The following MAP2K6 variants were observed in gnomAD, a reference collection of about 807,000 sequenced individuals.
MAP2K6 encodes the protein mitogen-activated protein kinase kinase 6, also known as dual specificity mitogen-activated protein kinase kinase 6.
In MAP2K6, 16 loss-of-function variants were observed where a neutral mutation model predicts 53.7. The ratio of observed to expected loss-of-function variants is 0.30; its 90% confidence interval spans 0.20 to 0.45. The LOEUF is 0.45. Among genes scored for constraint, MAP2K6 ranks in the 20% least tolerant of loss-of-function variants. The pLI, the probability that MAP2K6 is intolerant of heterozygous loss-of-function variation, is 1.00. For missense variants in MAP2K6, 204 were observed against 411.9 expected (o/e 0.50, Z 4.37); for synonymous variants, 132 against 143.1 (o/e 0.92, Z 0.55).
Position 69,440,752 on chromosome 17 carries a change from T to C in MAP2K6, c.16+25752T>C, listed in dbSNP as rs77290229. Among the ~76,000 whole-genome samples, 314 of 152,192 alleles carry C rather than the reference T, an allele frequency of 2.1e-3. 6 individuals are homozygous for C. The East Asian group carries it at 0.045, about 22-fold the overall frequency. On this transcript the variant is annotated intron_variant, in intron 1 of 11. Transcript: ENST00000590474. ...ACAGGTTTTGTTTTGTTTTTTTTTTTTCACATGAAAAATGTGCTGAATCCT... is the reference window on the plus strand; with the variant it reads ...ACAGGTTTTGTTTTGTTTTTTTTTTCTCACATGAAAAATGTGCTGAATCCT...
chr17:69,517,987 G>A (rs1360941002), intron 4 of MAP2K6, among the ~76,000 whole-genome samples: 1 of 152,022 alleles, frequency 6.6e-6, no homozygotes, highest in African/African-American at 2.4e-5. Flanking sequence ...TCAGGAGTTC[G>A]AGACCAGCCT....
chr17:69,516,592 A>C (rs1320342002), intron 2 of MAP2K6, among the ~76,000 whole-genome samples: 2 of 152,174 alleles, frequency 1.3e-5, no homozygotes, highest in African/African-American at 4.8e-5. Flanking sequence ...TGTCTCTTTT[A>C]ATACTCACTC....
At chr17:69,485,505 T>C (rs888173115) in intron 1 of MAP2K6, 1 of 969,798 alleles carries the variant, frequency 1.0e-6, no homozygotes, top group Non-Finnish European at 1.2e-6. Flanking sequence ...CATTTGAAAC[T>C]ACGGGAACTC....
intron 1 of MAP2K6, among the ~76,000 whole-genome samples, chr17:69,417,848 CAA>C (rs1408322038): frequency 6.6e-6 from 1 of 152,180 alleles, no homozygotes; most frequent in African/African-American, 2.4e-5. Context: ...TGAAAATACA[CAA>C]AAAGTTTGAC....
intron 1 of MAP2K6, among the ~76,000 whole-genome samples, chr17:69,463,625 T>TAC (rs1484672812): frequency 3.3e-5 from 5 of 150,542 alleles, no homozygotes; most frequent in East Asian, 2.0e-4. Flanking sequence ...TCTATATATA[T>TAC]ACACACACAC....
chr17:69,431,128 T>C (rs1269964500), intron 1 of MAP2K6, among the ~76,000 whole-genome samples: 1 of 152,160 alleles, frequency 6.6e-6, no homozygotes, highest in Non-Finnish European at 1.5e-5. Flanking sequence ...CAGTAGGCAA[T>C]ATTTATCTTC....
chr17:69,438,101 A>C (rs1042073796), intron 1 of MAP2K6, among the ~76,000 whole-genome samples: 1 of 152,260 alleles, frequency 6.6e-6, no homozygotes, highest in Admixed American at 6.5e-5. Context: ...CCTGTGGTGG[A>C]ATCTCAGGGA....
intron 1 of MAP2K6, among the ~76,000 whole-genome samples, chr17:69,504,992 C>T (rs34498161): frequency 0.15 from 22,400 of 151,852 alleles, 1,794 homozygotes; most frequent in Middle Eastern, 0.21. Flanking sequence ...ATTCTACTTC[C>T]ATTGCTAACT....
chr17:69,421,696 C>T (rs1442300680), intron 1 of MAP2K6, among the ~76,000 whole-genome samples: 2 of 151,834 alleles, frequency 1.3e-5, no homozygotes, highest in Non-Finnish European at 1.5e-5. Flanking sequence ...CTGCCGCCAC[C>T]ATGCCCGGCT....
Position 69,517,629 on chromosome 17 carries a change from T to C in MAP2K6, c.246+16T>C. Reference sequence around the variant, plus strand: ...GGCAGTGAAGGTAGAGTTGACATTCTCCCAAATGTTTTATATCTGCTGTGT... The same window carrying C: ...GGCAGTGAAGGTAGAGTTGACATTCCCCCAAATGTTTTATATCTGCTGTGT... On this transcript the variant is annotated intron_variant, in intron 4 of 11. Coordinates refer to ENST00000590474, the MANE Select transcript of MAP2K6 (RefSeq NM_002758.4). 1.3e-6 allele frequency: 2 copies of C among 1,566,156 alleles called. No individual in the cohort carries two copies. Among genetic ancestry groups the C allele is most frequent in the African/African-American group, 1.4e-5 (1 of 73,392 alleles).
At chr17:69,415,912 C>T (rs146492874) in intron 1 of MAP2K6, among the ~76,000 whole-genome samples, 5 of 152,126 alleles carry the variant, frequency 3.3e-5, no homozygotes, top group South Asian at 2.1e-4. Flanking sequence ...TGTTTTTAAA[C>T]ACAGTTGTAT....
intron 7 of MAP2K6, 127 bp downstream of exon 7, chr17:69,521,227 C>T (rs188720020): frequency 1.4e-6 from 1 of 713,104 alleles, no homozygotes; most frequent in East Asian, 2.7e-5. Flanking sequence ...AACTAAGGGG[C>T]TTTCCTTTGA....
chr17:69,455,372 T>C lies in MAP2K6; in HGVS notation c.16+40372T>C, dbSNP rs182336674. Among the ~76,000 whole-genome samples the C allele has an allele frequency of 4.3e-4, 66 of 152,282 alleles. 2 individuals are homozygous for C. Among genetic ancestry groups the C allele is most frequent in the Admixed American group, 3.8e-3 (58 of 15,306 alleles). The stretch of plus-strand genomic sequence containing the variant: ...TCCCTGCAATTCCTGATTACCTGAC[T>C]TTTTCTTTCTGGTCACAGGAGGGCT... On this transcript the variant is annotated intron_variant, in intron 1 of 11. Transcript: ENST00000590474.
Position 69,551,821 on chromosome 17 carries a change from A to G in MAP2K6, c.*10068A>G, listed in dbSNP as rs923492751. On this transcript the variant is annotated 3_prime_UTR_variant, in exon 12 of 12. Transcript: ENST00000590474. ...TACTTCCTATGATACTGAATCATCAAATTGAGTCATTTAAAGCTGAAAGAG... is the reference window on the plus strand; with the variant it reads ...TACTTCCTATGATACTGAATCATCAGATTGAGTCATTTAAAGCTGAAAGAG... The G allele has an allele frequency of 1.3e-5, 2 of 152,244 alleles. No homozygotes were observed. The highest frequency in any genetic ancestry group is 1.9e-4 in the East Asian group (1 of 5,208). 9.4% of individuals were successfully genotyped at this position (152,244 alleles called of 1,614,324 possible). A position where few individuals can be genotyped will look rare whatever the true frequency, so the allele number is the denominator to read the frequency against.
At chr17:69,518,490 T>C (rs576122414) in intron 4 of MAP2K6, among the ~76,000 whole-genome samples, 2 of 152,228 alleles carry the variant, frequency 1.3e-5, no homozygotes, top group Non-Finnish European at 2.9e-5. Context: ...AGAGTAAATT[T>C]GCATAGTTTT....
At chr17:69,489,849 T>A (rs558921523) in intron 1 of MAP2K6, among the ~76,000 whole-genome samples, 1 of 152,342 alleles carries the variant, frequency 6.6e-6, no homozygotes, top group South Asian at 2.1e-4. Context: ...GGAAATGCGC[T>A]AAGCCAGGAA....
intron 1 of MAP2K6, among the ~76,000 whole-genome samples, chr17:69,438,676 C>G (rs1275200812): frequency 6.6e-6 from 1 of 152,130 alleles, no homozygotes; most frequent in African/African-American, 2.4e-5. Flanking sequence ...GCCTCCCAGG[C>G]TCAAGCCATC....
intron 1 of MAP2K6, among the ~76,000 whole-genome samples, chr17:69,481,600 G>T (rs1908353535): frequency 6.6e-6 from 1 of 152,060 alleles, no homozygotes; most frequent in Admixed American, 6.5e-5. Flanking sequence ...TGAGATCAAG[G>T]TGTTATTAGG....
intron 1 of MAP2K6, among the ~76,000 whole-genome samples, chr17:69,423,499 C>T (rs566327869): frequency 3.3e-4 from 50 of 152,234 alleles, no homozygotes; most frequent in African/African-American, 1.2e-3. Context: ...GACTTTATTC[C>T]ATCGAATACT....
Sources: gnomAD v4.1 joint callset for allele counts (sites outside exome capture counted in the v4.1 genomes callset) on GRCh38, gnomAD v4.1.1 for gene constraint, MANE v1.5 for transcripts, NCBI Gene and HGNC (gene_info 2026-07-23, HGNC 2026-07-21) for gene names.